TMEM135: variants seen among roughly 807,000 people sequenced by gnomAD.
TMEM135 encodes transmembrane protein 135.
Under a neutral mutation model 60.3 loss-of-function variants are expected in TMEM135, and 30 were observed. The observed-to-expected ratio is 0.50, with a 90% CI of 0.37 to 0.68. The LOEUF (loss-of-function observed/expected upper bound fraction) is 0.68, where lower values mean the gene tolerates loss of function less well. Among genes scored for constraint, TMEM135 ranks in the 30% least tolerant of loss-of-function variants. The pLI, the probability that TMEM135 is intolerant of heterozygous loss-of-function variation, is 0.00. For synonymous variants in TMEM135, 190 were observed against 186.7 expected, an observed-to-expected ratio of 1.02 and a Z score of -0.14; for missense variants, 468 against 548.8, an observed-to-expected ratio of 0.85 and a Z score of 1.47.
chr11:87,057,046 G>A (rs1454934492), intron 1 of TMEM135, among the ~76,000 whole-genome samples: 3 of 152,196 alleles, frequency 2.0e-5, no homozygotes, highest in East Asian at 3.9e-4. Flanking sequence ...TGAAGTGACA[G>A]GTGTGTGTTT....
At chr11:87,056,894 A>G (rs552437942) in intron 1 of TMEM135, among the ~76,000 whole-genome samples, 47 of 152,240 alleles carry the variant, frequency 3.1e-4, no homozygotes, top group Non-Finnish European at 5.6e-4. Flanking sequence ...AATTAGAAAT[A>G]TATTAGTTTT....
chr11:87,152,342 T>C (rs998520559), intron 4 of TMEM135, among the ~76,000 whole-genome samples: 11 of 152,244 alleles, frequency 7.2e-5, no homozygotes, highest in Non-Finnish European at 1.6e-4. Flanking sequence ...ATATGTTCAC[T>C]GTAGTATATT....
chr11:87,060,961 A>G (rs1393349869), intron 1 of TMEM135, among the ~76,000 whole-genome samples: 1 of 152,070 alleles, frequency 6.6e-6, no homozygotes, highest in South Asian at 2.1e-4. Flanking sequence ...TCTTATCTCT[A>G]AAATGGTGAT....
chr11:87,087,367 G>A (rs1179922930), intron 3 of TMEM135, among the ~76,000 whole-genome samples: 1 of 150,862 alleles, frequency 6.6e-6, no homozygotes, highest in African/African-American at 2.4e-5. Flanking sequence ...CAGGATAATT[G>A]CCCAGAATTA....
chr11:87,264,591 A>G (rs1307538045), intron 6 of TMEM135, among the ~76,000 whole-genome samples: 6 of 151,848 alleles, frequency 4.0e-5, no homozygotes, highest in Non-Finnish European at 7.4e-5. Context: ...TATGAAATGT[A>G]TTCAGATATG....
intron 4 of TMEM135, chr11:87,095,430 CTT>C (rs1033842484): frequency 1.1e-4 from 24 of 209,404 alleles, no homozygotes; most frequent in African/African-American, 5.5e-4. Context: ...AACTCTCTCT[CTT>C]GGGGTTAAGT....
intron 4 of TMEM135, among the ~76,000 whole-genome samples, chr11:87,109,477 C>A (rs954582547): frequency 1.3e-5 from 2 of 152,104 alleles, no homozygotes; most frequent in African/African-American, 4.8e-5. Context: ...CTGTGCTCAC[C>A]TTCCTCTTCT....
intron 4 of TMEM135, among the ~76,000 whole-genome samples, chr11:87,103,068 A>G (rs1445989166): frequency 6.6e-6 from 1 of 152,050 alleles, no homozygotes; most frequent in Non-Finnish European, 1.5e-5. Context: ...ACTTAGCATA[A>G]TGTCTTCCAG....
At chr11:87,310,169 C>G (rs572960923) in intron 10 of TMEM135, among the ~76,000 whole-genome samples, 39 of 149,756 alleles carry the variant, frequency 2.6e-4, no homozygotes, top group African/African-American at 9.3e-4. Flanking sequence ...CTCACAGTTC[C>G]TACTACACTG....
At chr11:87,188,658 C>A (rs113006176) in intron 5 of TMEM135, among the ~76,000 whole-genome samples, 1 of 150,654 alleles carries the variant, frequency 6.6e-6, no homozygotes. Context: ...GGGCCAGGAT[C>A]GCGCCATTGC....
chr11:87,218,926 C>T (rs1450306725), intron 5 of TMEM135, among the ~76,000 whole-genome samples: 1 of 152,192 alleles, frequency 6.6e-6, no homozygotes, highest in Admixed American at 6.5e-5. Context: ...CACGCCACTG[C>T]ACTCCAGCCT....
chr11:87,145,954 TTG>T (rs941996485), intron 4 of TMEM135, among the ~76,000 whole-genome samples: 22 of 152,318 alleles, frequency 1.4e-4, no homozygotes, highest in Admixed American at 3.9e-4. Context: ...TTGTCTATTT[TTG>T]TTTTTGTTGC....
rs75326447 is a variant in TMEM135, at chr11:87,324,293, T to C, written c.*2960T>C. ...TCGTCCACTTGCCTGTGTCACAACC[T>C]CTCCCTTGGTGCTAATTAGGAAGCT... On this transcript the variant is annotated 3_prime_UTR_variant, in exon 15 of 15. Coordinates refer to ENST00000305494, the MANE Select transcript of TMEM135 (RefSeq NM_022918.4). 290 of 454,050 alleles carry C rather than the reference T, an allele frequency of 6.4e-4. 5 individuals are homozygous for C. The East Asian group carries it at 0.018, about 28-fold the overall frequency. 28.1% of individuals were successfully genotyped at this position (454,050 alleles called of 1,614,324 possible).
At chr11:87,310,065 G>T (rs569928678) in intron 10 of TMEM135, among the ~76,000 whole-genome samples, 1 of 151,734 alleles carries the variant, frequency 6.6e-6, no homozygotes, top group Admixed American at 6.6e-5. Context: ...ATGTATTTCA[G>T]ATCTTTCTAG....
intron 6 of TMEM135, among the ~76,000 whole-genome samples, chr11:87,254,076 A>C (rs1941475272): frequency 6.6e-6 from 1 of 152,166 alleles, no homozygotes; most frequent in Non-Finnish European, 1.5e-5. Context: ...CAGCACATCA[A>C]ACATTCATAG....
chr11:87,217,586 G>A (rs1017043489), intron 5 of TMEM135, among the ~76,000 whole-genome samples: 3 of 152,152 alleles, frequency 2.0e-5, no homozygotes, highest in African/African-American at 7.2e-5. Context: ...GGGAGTTCAA[G>A]ATCAGCGTTA....
At chr11:87,276,749 A>G (rs1941975075) in intron 6 of TMEM135, among the ~76,000 whole-genome samples, 1 of 142,568 alleles carries the variant, frequency 7.0e-6, no homozygotes, top group South Asian at 2.2e-4. Flanking sequence ...ACTCACTGCA[A>G]CCTCTGCCTC....
chr11:87,203,032 C>CAAAAAAAAAAAA (rs534909524), intron 5 of TMEM135, among the ~76,000 whole-genome samples: 3 of 33,592 alleles, frequency 8.9e-5, no homozygotes, highest in African/African-American at 2.6e-4. Flanking sequence ...GACTCCGTCT[C>CAAAAAAAAAAAA]AAAAAAAAAA....
rs148154596 is a variant in TMEM135, at chr11:87,166,709, C to T, written c.462+9303C>T. ...ACCATGCTGTTTTGATTACTGTGGC[C>T]TTGTAGTATAGTTTGAAGTAAGGTA... On this transcript the variant is annotated intron_variant, in intron 5 of 14. Coordinates refer to ENST00000305494, the MANE Select transcript of TMEM135 (RefSeq NM_022918.4). Among the ~76,000 whole-genome samples, 40 of 151,694 alleles carry T rather than the reference C, an allele frequency of 2.6e-4. No individual in the cohort carries two copies. In the South Asian group the frequency reaches 6.4e-3, roughly 24 times the overall value.
Sources: allele counts gnomAD v4.1 joint callset (sites outside exome capture counted in the v4.1 genomes callset), GRCh38; gene constraint gnomAD v4.1.1; transcripts MANE v1.5; gene names NCBI Gene and HGNC (gene_info 2026-07-23, HGNC 2026-07-21).